CHN1: variants seen among roughly 807,000 people sequenced by gnomAD.
CHN1 encodes N-chimaerin.
CHN1 carries 37 observed loss-of-function variants against 59.5 expected under a neutral mutation model. The ratio of observed to expected loss-of-function variants is 0.62; its 90% CI spans 0.48 to 0.82. The LOEUF is 0.82. CHN1 is among the 40% of genes least tolerant of loss of function. CHN1 has a pLI of 0.00. For synonymous variants in CHN1, 206 were observed against 200.4 expected (o/e 1.03, Z -0.24); for missense variants, 469 against 571.0 (o/e 0.82, Z 1.82).
intron 5 of CHN1, among the ~76,000 whole-genome samples, chr2:174,909,814 C>T (rs1390717062): frequency 6.6e-6 from 1 of 152,180 alleles, no homozygotes; most frequent in Non-Finnish European, 1.5e-5. Context: ...TGGCTGAAAG[C>T]ATCTCAATGG....
chr2:174,953,753 G>C (rs1465042341), intron 1 of CHN1, among the ~76,000 whole-genome samples: 1 of 152,108 alleles, frequency 6.6e-6, no homozygotes, highest in Non-Finnish European at 1.5e-5. Flanking sequence ...AAAGACCTCT[G>C]CAAGGAAAAC....
At chr2:174,974,894 TTAATACAC>T (rs143284648) in intron 1 of CHN1, among the ~76,000 whole-genome samples, 1,581 of 77,262 alleles carry the variant, frequency 0.02, 24 homozygotes, top group African/African-American at 0.061. Flanking sequence ...TAAGAAATAA[TTAATACAC>T]ACACACACAC....
chr2:174,924,384 CTCTTA>C (rs1429016087), intron 3 of CHN1, among the ~76,000 whole-genome samples: 2 of 152,118 alleles, frequency 1.3e-5, no homozygotes, highest in Non-Finnish European at 2.9e-5. Context: ...TTTGTGTAGT[CTCTTA>C]TCTCTATCAC....
At chr2:174,891,764 A>T (rs1688060107) in intron 5 of CHN1, among the ~76,000 whole-genome samples, 1 of 152,092 alleles carries the variant, frequency 6.6e-6, no homozygotes, top group African/African-American at 2.4e-5. Context: ...AAGGAAGGTA[A>T]TAGCAGTGAT....
intron 4 of CHN1, among the ~76,000 whole-genome samples, chr2:174,915,894 G>A (rs969283353): frequency 2.6e-5 from 4 of 152,124 alleles, no homozygotes; most frequent in African/African-American, 7.2e-5. Context: ...TTTTTATAGC[G>A]ATTTACAATT....
At chr2:174,849,344 T>G (rs1686652157) in intron 6 of CHN1, among the ~76,000 whole-genome samples, 1 of 152,170 alleles carries the variant, frequency 6.6e-6, no homozygotes, top group South Asian at 2.1e-4. Context: ...TAATGTTCTA[T>G]TTAGTCAAGA....
In CHN1 at chr2:174,818,714, G is replaced by A. The variant is rs556342098; in HGVS notation, c.712+5720C>T. ...AGCATAGAATAAACATATGAAAGGA[G>A]GAATAAAAAATTCAAGTCACATTTT... On this transcript the variant is annotated intron_variant, in intron 8 of 12. Coordinates refer to ENST00000409900, the MANE Select transcript of CHN1 (RefSeq NM_001822.7). Among the ~76,000 whole-genome samples the A allele has an allele frequency of 7.6e-4, 116 of 151,866 alleles. 1 individual carries two copies. In the South Asian group the frequency reaches 0.023, roughly 31 times the overall value.
At chr2:174,970,044 C>T (rs552867068) in intron 1 of CHN1, among the ~76,000 whole-genome samples, 65 of 152,302 alleles carry the variant, frequency 4.3e-4, no homozygotes, top group Admixed American at 8.5e-4. Context: ...TGTCACTGTA[C>T]TTCACCAGTA....
intron 1 of CHN1, among the ~76,000 whole-genome samples, chr2:175,000,056 G>A (rs1161534836): frequency 6.6e-6 from 1 of 151,570 alleles, no homozygotes; most frequent in Admixed American, 6.6e-5. Context: ...TTCTTACATA[G>A]TACCAGCTCT....
rs749288520 is a variant in CHN1, at chr2:174,952,154, G to A, written c.58+10C>T. 10 of 1,423,294 alleles carry A rather than the reference G, an allele frequency of 7.0e-6. No homozygotes were observed. The Admixed American group carries it at 2.9e-4, about 41-fold the overall frequency. 88.2% of individuals were successfully genotyped at this position (1,423,294 alleles called of 1,614,324 possible). ...AGCACTATAACCCACACAATTATTT[G>A]TAGACTTACAGTAAGATTTCCAAAC... On this transcript the variant is annotated intron_variant, in intron 2 of 12. Coordinates refer to ENST00000409900, the MANE Select transcript of CHN1 (RefSeq NM_001822.7).
At chr2:174,981,888 T>C (rs963434843) in intron 1 of CHN1, among the ~76,000 whole-genome samples, 1 of 152,200 alleles carries the variant, frequency 6.6e-6, no homozygotes, top group African/African-American at 2.4e-5. Flanking sequence ...GTTGGTGTGC[T>C]GCACCCATTA....
intron 1 of CHN1, among the ~76,000 whole-genome samples, chr2:174,975,659 A>AC (rs1483257140): frequency 7.1e-6 from 1 of 140,310 alleles, no homozygotes; most frequent in African/African-American, 3.2e-5. Flanking sequence ...AACAAACAAA[A>AC]AAAAAAAAAA....
Position 174,985,020 on chromosome 2 carries a change from A to C in CHN1, c.19+19874T>G, listed in dbSNP as rs144802001. Among the ~76,000 whole-genome samples, 567 of 152,304 alleles carry C rather than the reference A, an allele frequency of 3.7e-3. 4 individuals are homozygous for C. The highest frequency in any genetic ancestry group is 0.013 in the African/African-American group (546 of 41,580). On this transcript the variant is annotated intron_variant, in intron 1 of 12. Transcript: ENST00000409900. ...TTTGCAAGTCTTAGGTTTCAAGAGA[A>C]AGTTCCTTGGGCTTTTCTTATTCTA... is the stretch of plus-strand genomic sequence containing the variant.
chr2:174,811,394 G>A, intron 10 of CHN1, 117 bp downstream of exon 10: 1 of 605,892 alleles, frequency 1.7e-6, no homozygotes, highest in Non-Finnish European at 2.8e-6. Flanking sequence ...TTTTTAATTT[G>A]GTATAATAAT....
intron 7 of CHN1, among the ~76,000 whole-genome samples, chr2:174,826,103 C>T (rs906619385): frequency 6.6e-6 from 1 of 151,316 alleles, no homozygotes; most frequent in Admixed American, 6.6e-5. Flanking sequence ...AGTCTGAGTA[C>T]AAAATTTTAT....
At chr2:174,848,863 G>A (rs1686632237) in intron 6 of CHN1, among the ~76,000 whole-genome samples, 1 of 152,066 alleles carries the variant, frequency 6.6e-6, no homozygotes, top group South Asian at 2.1e-4. Context: ...GACATAAAAT[G>A]CTCCCACTGC....
chr2:174,823,249 C>T (rs1165159059), intron 8 of CHN1, among the ~76,000 whole-genome samples: 1 of 152,108 alleles, frequency 6.6e-6, no homozygotes. Flanking sequence ...AAGCTTCATG[C>T]TAAAAGACAT....
At chr2:174,985,985 A>T (rs997127152) in intron 1 of CHN1, among the ~76,000 whole-genome samples, 1 of 152,272 alleles carries the variant, frequency 6.6e-6, no homozygotes, top group East Asian at 1.9e-4. Context: ...CAATAATCAA[A>T]CTGTTACTTT....
chr2:174,864,809 G>A (rs987935876), intron 6 of CHN1, among the ~76,000 whole-genome samples: 6 of 152,136 alleles, frequency 3.9e-5, no homozygotes, highest in Middle Eastern at 3.2e-3. Context: ...AGGCTACAGT[G>A]AGCCAAGGTC....
Sources: gnomAD v4.1 joint callset for allele counts (sites outside exome capture counted in the v4.1 genomes callset) on GRCh38, gnomAD v4.1.1 for gene constraint, MANE v1.5 for transcripts, NCBI Gene and HGNC (gene_info 2026-07-23, HGNC 2026-07-21) for gene names.